CCSER1: variants seen among roughly 807,000 people sequenced by gnomAD.
CCSER1 encodes the protein coiled-coil serine rich protein 1.
CCSER1 carries 41 observed loss-of-function variants against 82.0 expected under a neutral mutation model. The ratio of observed to expected loss-of-function variants is 0.50; its 90% CI spans 0.39 to 0.65. The LOEUF is 0.65. Among genes scored for constraint, CCSER1 ranks in the 30% least tolerant of loss-of-function variants. The probability of loss-of-function intolerance (pLI) is 0.00; values close to 1 mark genes in which losing one functional copy is unlikely to be tolerated. For missense variants in CCSER1, 1,119 were observed against 1,064.2 expected, an observed-to-expected ratio of 1.05 and a Z score of -0.72; for synonymous variants, 414 against 383.9, an observed-to-expected ratio of 1.08 and a Z score of -0.92.
chr4:91,485,261 T>C (rs148957119), intron 10 of CCSER1, among the ~76,000 whole-genome samples: 8 of 152,288 alleles, frequency 5.3e-5, no homozygotes, highest in African/African-American at 1.7e-4. Context: ...TACAGAGCTC[T>C]GGTAGAGGAC....
chr4:90,609,608 G>A (rs1307559496), intron 5 of CCSER1, among the ~76,000 whole-genome samples: 1 of 152,144 alleles, frequency 6.6e-6, no homozygotes, highest in Non-Finnish European at 1.5e-5. Flanking sequence ...CATTGTATCA[G>A]TATGTGGTAT....
rs543251055 is a variant in CCSER1 at position 91,458,577 on chromosome 4, A to G, written c.2218-139995A>G. Among the ~76,000 whole-genome samples the G allele has an allele frequency of 2.0e-5, 3 of 152,252 alleles. No individual in the cohort carries two copies. The South Asian group carries it at 6.2e-4, about 32-fold the overall frequency. ...TGAAGAATGTCATTGGTATTTTGAT[A>G]AGAGTTGTACTGAATCTGTAGATCA... On this transcript the variant is annotated intron_variant, in intron 10 of 10. Transcript: ENST00000509176.
chr4:90,700,085 C>T (rs1052488940), intron 6 of CCSER1, among the ~76,000 whole-genome samples: 2 of 151,788 alleles, frequency 1.3e-5, no homozygotes, highest in Admixed American at 6.6e-5. Flanking sequence ...TGTGCTGCAC[C>T]CATTAACTCG....
chr4:90,600,992 G>A lies in CCSER1; in HGVS notation c.1725-27033G>A, dbSNP rs114465040. 6.2e-3 allele frequency among the ~76,000 whole-genome samples: 935 copies of A among 151,646 alleles called. 22 individuals carry two copies. The highest frequency in any genetic ancestry group is 0.021 in the African/African-American group (855 of 41,370). The stretch of plus-strand genomic sequence containing the variant: ...CAAATCTATTTTTTTCATTGCTAAT[G>A]TATTGAATACAATGGAGTTTTGAAT... On this transcript the variant is annotated intron_variant, in intron 5 of 10. Transcript: ENST00000509176.
Position 90,138,608 on chromosome 4 carries a change from T to C in CCSER1, c.-42+10777T>C, listed in dbSNP as rs183247475. Reference sequence around the variant, plus strand: ...TGAGGTCTAGGGAAGCAAGAAGCAGTGGCACAGGCCAATTTGGAGAATGGA... The same window carrying C: ...TGAGGTCTAGGGAAGCAAGAAGCAGCGGCACAGGCCAATTTGGAGAATGGA... On this transcript the variant is annotated intron_variant, in intron 1 of 10. Coordinates refer to ENST00000509176, the MANE Select transcript of CCSER1 (RefSeq NM_001145065.2). Among the ~76,000 whole-genome samples the C allele has an allele frequency of 1.9e-4, 29 of 152,318 alleles. No homozygotes were observed. The Middle Eastern group carries it at 0.01, about 54-fold the overall frequency.
intron 10 of CCSER1, among the ~76,000 whole-genome samples, chr4:91,564,760 C>T (rs1762805702): frequency 6.6e-6 from 1 of 151,756 alleles, no homozygotes; most frequent in South Asian, 2.1e-4. Context: ...TGTTTAGGTT[C>T]CTTATCAATG....
intron 10 of CCSER1, among the ~76,000 whole-genome samples, chr4:91,558,253 T>C (rs1488114353): frequency 4.7e-5 from 7 of 150,250 alleles, no homozygotes; most frequent in Non-Finnish European, 4.5e-5. Context: ...TGTGTATTAT[T>C]GGTTCCCATG....
At chr4:90,276,310 T>C (rs142113425) in intron 1 of CCSER1, among the ~76,000 whole-genome samples, 3,115 of 96,078 alleles carry the variant, frequency 0.032, 86 homozygotes, top group Middle Eastern at 0.036. Context: ...TTCCTTCCTT[T>C]CTTTCTTTTT....
intron 1 of CCSER1, among the ~76,000 whole-genome samples, chr4:90,175,678 T>C (rs771014924): frequency 6.6e-6 from 1 of 152,046 alleles, no homozygotes; most frequent in Non-Finnish European, 1.5e-5. Context: ...ATATTTTGGA[T>C]AATGCATTCT....
intron 6 of CCSER1, among the ~76,000 whole-genome samples, chr4:90,693,086 A>G (rs1293554450): frequency 6.6e-6 from 1 of 151,960 alleles, no homozygotes; most frequent in Non-Finnish European, 1.5e-5. Context: ...GTTAAGGGTA[A>G]GGATGGACTC....
At chr4:91,422,609 C>T (rs1753743235) in intron 10 of CCSER1, among the ~76,000 whole-genome samples, 1 of 151,998 alleles carries the variant, frequency 6.6e-6, no homozygotes, top group Admixed American at 6.6e-5. Flanking sequence ...CAAAATATTT[C>T]TAACTAATCA....
At chr4:90,322,865 G>T (rs754847639) in intron 3 of CCSER1, among the ~76,000 whole-genome samples, 47 of 152,140 alleles carry the variant, frequency 3.1e-4, no homozygotes, top group Non-Finnish European at 5.7e-4. Context: ...ACTGCACTGG[G>T]TCATGCCTGA....
intron 10 of CCSER1, among the ~76,000 whole-genome samples, chr4:91,364,942 G>A (rs1161243831): frequency 6.6e-6 from 1 of 152,032 alleles, no homozygotes; most frequent in Non-Finnish European, 1.5e-5. Context: ...AAGGCCATTA[G>A]TATATCTCTC....
rs373814350 is a variant in CCSER1, at chr4:91,362,402, T to C, written c.2218-236170T>C. ...ATTCCTTGCTCTTTCCTCACACACA[T>C]ACACACACACAATGTAGGATCTCTG... On this transcript the variant is annotated intron_variant, in intron 10 of 10. Coordinates refer to ENST00000509176, the MANE Select transcript of CCSER1 (RefSeq NM_001145065.2). 1.7e-4 allele frequency among the ~76,000 whole-genome samples: 26 copies of C among 151,810 alleles called. 1 individual carries two copies. The highest frequency in any genetic ancestry group is 5.8e-4 in the African/African-American group (24 of 41,490).
chr4:90,488,343 A>C (rs1164379694), intron 5 of CCSER1, among the ~76,000 whole-genome samples: 1 of 151,658 alleles, frequency 6.6e-6, no homozygotes, highest in African/African-American at 2.4e-5. Context: ...ACCCACCACC[A>C]CACCCAGCTA....
intron 10 of CCSER1, among the ~76,000 whole-genome samples, chr4:91,491,284 G>T (rs67579820): frequency 0.084 from 12,752 of 151,746 alleles, 582 homozygotes; most frequent in Middle Eastern, 0.13. Flanking sequence ...CCTCTCCATC[G>T]CCTATTAAAT....
intron 10 of CCSER1, among the ~76,000 whole-genome samples, chr4:91,263,792 A>G (rs1248834678): frequency 6.6e-6 from 1 of 151,960 alleles, no homozygotes; most frequent in South Asian, 2.1e-4. Context: ...TCTTTTTTAA[A>G]TAAATGGATG....
intron 10 of CCSER1, among the ~76,000 whole-genome samples, chr4:91,160,868 T>C (rs547248572): frequency 7.9e-5 from 12 of 152,314 alleles, no homozygotes; most frequent in African/African-American, 2.4e-4. Flanking sequence ...TTCACTCTGA[T>C]GGTAGTTTCT....
chr4:91,322,789 T>A, intron 10 of CCSER1, among the ~76,000 whole-genome samples: 1 of 152,078 alleles, frequency 6.6e-6, no homozygotes. Flanking sequence ...CTAGCAAACA[T>A]GCCAGATGAA....
Sources: allele counts gnomAD v4.1 joint callset (sites outside exome capture counted in the v4.1 genomes callset), GRCh38; gene constraint gnomAD v4.1.1; transcripts MANE v1.5; gene names NCBI Gene and HGNC (gene_info 2026-07-23, HGNC 2026-07-21).